The following PPP1R3B variants were observed in gnomAD, a reference collection of about 807,000 sequenced individuals.
PPP1R3B encodes the protein protein phosphatase 1 regulatory subunit 3B.
PPP1R3B carries 8 observed loss-of-function variants against 14.6 expected under a neutral mutation model. The observed-to-expected ratio is 0.55, with a 90% CI of 0.32 to 0.99. The LOEUF is 0.99. Among genes scored for constraint, PPP1R3B ranks in the 50% least tolerant of loss-of-function variants. PPP1R3B has a pLI of 0.04. For synonymous variants in PPP1R3B, 169 were observed against 142.0 expected (o/e 1.19, Z -1.35); for missense variants, 452 against 360.1 (o/e 1.26, Z -2.07).
chr8:9,151,092 C>A (rs1380155685), upstream of PPP1R3B, among the ~76,000 whole-genome samples: 1 of 152,172 alleles, frequency 6.6e-6, no homozygotes, highest in African/African-American at 2.4e-5. Flanking sequence ...GTCACGGTCG[C>A]AGCCGGGCCC....
intron 1 of PPP1R3B, among the ~76,000 whole-genome samples, chr8:9,141,966 A>AT (rs942089671): frequency 1.7e-4 from 26 of 152,290 alleles, no homozygotes; most frequent in African/African-American, 6.0e-4. Flanking sequence ...TTTGGTCAGC[A>AT]TTTCTTGGGG....
In PPP1R3B at chr8:9,140,480, G is replaced by A; in HGVS notation, c.*314C>T. On this transcript the variant is annotated 3_prime_UTR_variant, in exon 2 of 2. Transcript: ENST00000310455. ...GGAGAGCAGAGGAGAGACTCCTCCA[G>A]CTTCATCAGCACTGGCATAGGCTTG... is the stretch of plus-strand genomic sequence containing the variant. 2.7e-6 allele frequency: 1 copy of A among 366,914 alleles called. No homozygotes were observed. Among genetic ancestry groups the A allele is most frequent in the Non-Finnish European group, 5.0e-6 (1 of 198,946 alleles). The allele number at this position is 366,914 out of a possible 1,614,324, so 22.7% of individuals were successfully genotyped here. A position where few individuals can be genotyped will look rare whatever the true frequency, so the allele number is the denominator to read the frequency against.
rs1800890656 is a variant in PPP1R3B at position 9,136,410 on chromosome 8, C to A, written c.*4384G>T. 1 of 152,198 alleles carries A rather than the reference C, an allele frequency of 6.6e-6. No individual in the cohort carries two copies. The highest frequency in any genetic ancestry group is 2.1e-4 in the South Asian group (1 of 4,836). 9.4% of individuals were successfully genotyped at this position (152,198 alleles called of 1,614,324 possible). A position where few individuals can be genotyped will look rare whatever the true frequency, so the allele number is the denominator to read the frequency against. ...TATCTTTTAAAACATGCAAAAATTT[C>A]TTGACAAGGCACTTTTAGGTATAAA... On this transcript the variant is annotated 3_prime_UTR_variant, in exon 2 of 2. Transcript: ENST00000310455.
chr8:9,149,636 G>C (rs769219634), intron 1 of PPP1R3B, among the ~76,000 whole-genome samples: 1 of 152,140 alleles, frequency 6.6e-6, no homozygotes, highest in Non-Finnish European at 1.5e-5. Context: ...TAAAGACATG[G>C]CCATCTACCT....
chr8:9,138,579 G>A lies in PPP1R3B; in HGVS notation c.*2215C>T, dbSNP rs1318488741. On this transcript the variant is annotated 3_prime_UTR_variant, in exon 2 of 2. Transcript: ENST00000310455. ...CACTCAGTATCTGCCTGTTGGTTATGTACAAAGCCACAAATGGGAGGTCTT... is the reference window on the plus strand; with the variant it reads ...CACTCAGTATCTGCCTGTTGGTTATATACAAAGCCACAAATGGGAGGTCTT... 1 of 152,212 alleles carries A rather than the reference G, an allele frequency of 6.6e-6. No homozygotes were observed. Among genetic ancestry groups the A allele is most frequent in the Non-Finnish European group, 1.5e-5 (1 of 68,040 alleles). The allele number at this position is 152,212 out of a possible 1,614,324, so 9.4% of individuals were successfully genotyped here. A position where few individuals can be genotyped will look rare whatever the true frequency, so the allele number is the denominator to read the frequency against.
chr8:9,141,177 T>A lies in PPP1R3B; in HGVS notation c.475A>T (p.Thr159Ser). The A allele has an allele frequency of 6.2e-7, 1 of 1,614,198 alleles. No homozygotes were observed. Among genetic ancestry groups the A allele is most frequent in the Non-Finnish European group, 8.5e-7 (1 of 1,180,034 alleles). ...TCGAACGTCATCCTTATTTTCACGG[T>A]CTTCTCAAATGCGAGGTTCTGAACC... ...VKVQNLAFEK[T>S]VKIRMTFDTW... Residue 159 changes from threonine (T) to serine (S), a missense_variant, in exon 2 of 2, where the codon ACC (threonine) becomes TCC (serine). By Grantham distance (58) the Thr-to-Ser change is moderately conservative. Transcript: ENST00000310455.
At position 9,137,264 on chromosome 8, in the gene PPP1R3B, T is replaced by C. The variant is rs1194001799; in HGVS notation, c.*3530A>G. 1 of 152,246 alleles carries C rather than the reference T, an allele frequency of 6.6e-6. No homozygotes were observed. The highest frequency in any genetic ancestry group is 1.9e-4 in the East Asian group (1 of 5,202). 9.4% of individuals were successfully genotyped at this position (152,246 alleles called of 1,614,324 possible). On this transcript the variant is annotated 3_prime_UTR_variant, in exon 2 of 2. Transcript: ENST00000310455. Reference sequence around the variant, plus strand: ...AAATATCTTTGTATAATCCAGCTTATTTATTGTACCCAGTTTGCAAATGCT... The same window carrying C: ...AAATATCTTTGTATAATCCAGCTTACTTATTGTACCCAGTTTGCAAATGCT...
intron 1 of PPP1R3B, among the ~76,000 whole-genome samples, chr8:9,148,842 C>T (rs1585345607): frequency 6.6e-6 from 1 of 152,154 alleles, no homozygotes; most frequent in Admixed American, 6.5e-5. Flanking sequence ...ATCAGGGCCA[C>T]GACATTATCC....
At chr8:9,147,715 T>C (rs1288910319) in intron 1 of PPP1R3B, among the ~76,000 whole-genome samples, 1 of 151,622 alleles carries the variant, frequency 6.6e-6, no homozygotes, top group South Asian at 2.1e-4. Flanking sequence ...AGATCCCTTT[T>C]TATCACCAAG....
chr8:9,146,849 G>C (rs71514532), intron 1 of PPP1R3B, among the ~76,000 whole-genome samples: 1 of 151,750 alleles, frequency 6.6e-6, no homozygotes, highest in Non-Finnish European at 1.5e-5. Flanking sequence ...TGACTAACAG[G>C]TTCAATGTAA....
intron 1 of PPP1R3B, among the ~76,000 whole-genome samples, chr8:9,149,974 T>A (rs967940245): frequency 3.9e-5 from 6 of 152,218 alleles, no homozygotes; most frequent in African/African-American, 1.4e-4. Flanking sequence ...GGGCTTGAGG[T>A]CCCCTCCAAG....
intron 1 of PPP1R3B, among the ~76,000 whole-genome samples, chr8:9,146,106 C>G (rs560350887): frequency 6.3e-4 from 96 of 152,302 alleles, no homozygotes; most frequent in Middle Eastern, 3.4e-3. Context: ...TGAGCTCAAG[C>G]AATCCTCCCG....
chr8:9,147,088 T>C (rs771721880), intron 1 of PPP1R3B, among the ~76,000 whole-genome samples: 8 of 152,068 alleles, frequency 5.3e-5, no homozygotes, highest in Non-Finnish European at 1.0e-4. Context: ...GTTCAAGCGA[T>C]TCTCCTGCCT....
chr8:9,149,559 C>T (rs1801353800), intron 1 of PPP1R3B, among the ~76,000 whole-genome samples: 1 of 152,190 alleles, frequency 6.6e-6, no homozygotes, highest in African/African-American at 2.4e-5. Flanking sequence ...AGCAACCCAC[C>T]AGGAACACTG....
At chr8:9,143,869 C>A (rs371420856) in intron 1 of PPP1R3B, among the ~76,000 whole-genome samples, 21 of 152,110 alleles carry the variant, frequency 1.4e-4, no homozygotes, top group African/African-American at 3.9e-4. Context: ...ACTATATTTT[C>A]TTTAAGTAAA....
intron 1 of PPP1R3B, among the ~76,000 whole-genome samples, chr8:9,149,086 A>G (rs1159573708): frequency 3.4e-5 from 5 of 148,966 alleles, no homozygotes; most frequent in Non-Finnish European, 4.4e-5. Flanking sequence ...CCAGCTACTC[A>G]GGAGGCCGAG....
Position 9,140,573 on chromosome 8 carries a change from C to T in PPP1R3B, c.*221G>A, listed in dbSNP as rs907651203. 119 of 591,330 alleles carry T rather than the reference C, an allele frequency of 2.0e-4. No homozygotes were observed. Among genetic ancestry groups the T allele is most frequent in the South Asian group, 1.2e-3 (59 of 48,466 alleles). The allele number at this position is 591,330 out of a possible 1,614,324, so 36.6% of individuals were successfully genotyped here. A position where few individuals can be genotyped will look rare whatever the true frequency, so the allele number is the denominator to read the frequency against. ...TCGTGGCTGCCACAGTGCGAAAGCG[C>T]GCCAGCCACCACTGCTCCTTTGAGT... On this transcript the variant is annotated 3_prime_UTR_variant, in exon 2 of 2. Coordinates refer to ENST00000310455, the MANE Select transcript of PPP1R3B (RefSeq NM_024607.4).
In PPP1R3B at chr8:9,140,777, C is replaced by A. The variant is rs1563124575; in HGVS notation, c.*17G>T. Reference sequence around the variant, plus strand: ...CTTGTCTGTGGCAGCTCCGCCACGCCCTGTCACCTGCAGTCACTAGTAGTA... The same window carrying A: ...CTTGTCTGTGGCAGCTCCGCCACGCACTGTCACCTGCAGTCACTAGTAGTA... On this transcript the variant is annotated 3_prime_UTR_variant, in exon 2 of 2. Transcript: ENST00000310455. The A allele has an allele frequency of 1.2e-6, 2 of 1,611,390 alleles. No homozygotes were observed. The highest frequency in any genetic ancestry group is 1.7e-6 in the Non-Finnish European group (2 of 1,178,250).
intron 1 of PPP1R3B, among the ~76,000 whole-genome samples, chr8:9,144,541 T>C (rs1461103407): frequency 6.6e-6 from 1 of 152,180 alleles, no homozygotes; most frequent in Non-Finnish European, 1.5e-5. Flanking sequence ...CTTTCTAATT[T>C]TTTAATCATT....
Sources: gnomAD v4.1 joint callset for allele counts (sites outside exome capture counted in the v4.1 genomes callset) on GRCh38, gnomAD v4.1.1 for gene constraint, MANE v1.5 for transcripts, NCBI Gene and HGNC (gene_info 2026-07-23, HGNC 2026-07-21) for gene names.